Variants in LRP1B observed in about 807,000 individuals in gnomAD.
The protein encoded by LRP1B is low-density lipoprotein receptor-related protein 1B.
LRP1B carries 217 observed loss-of-function variants against 556.6 expected under a neutral mutation model. The ratio of observed to expected loss-of-function variants is 0.39; its 90% CI spans 0.35 to 0.44. The LOEUF is 0.44. LRP1B is among the 20% of genes least tolerant of loss of function. The pLI is 1.00. For synonymous variants in LRP1B, 2,047 were observed against 1,865.8 expected, an observed-to-expected ratio of 1.10 and a Z score of -2.50; for missense variants, 5,053 against 5,620.8, an observed-to-expected ratio of 0.90 and a Z score of 3.23.
At chr2:141,122,888 G>A (rs1237925744) in intron 7 of LRP1B, among the ~76,000 whole-genome samples, 1 of 152,044 alleles carries the variant, frequency 6.6e-6, no homozygotes, top group East Asian at 1.9e-4. Flanking sequence ...AAGAAAATGT[G>A]GCACATATAC....
intron 3 of LRP1B, among the ~76,000 whole-genome samples, chr2:141,370,556 G>C (rs1164764233): frequency 6.6e-6 from 1 of 152,116 alleles, no homozygotes. Flanking sequence ...TGAGTCCCCT[G>C]TTGAATGTAT....
chr2:140,301,902 T>C (rs538233940), intron 83 of LRP1B, among the ~76,000 whole-genome samples: 94 of 152,012 alleles, frequency 6.2e-4, no homozygotes, highest in African/African-American at 2.2e-3. Flanking sequence ...TGTGTATATA[T>C]ACACATATAC....
intron 5 of LRP1B, among the ~76,000 whole-genome samples, chr2:141,236,162 G>T (rs1038497105): frequency 6.6e-6 from 1 of 151,986 alleles, no homozygotes; most frequent in African/African-American, 2.4e-5. Context: ...TATTTGGGGG[G>T]ATTATTTATT....
intron 2 of LRP1B, among the ~76,000 whole-genome samples, chr2:141,751,661 T>C (rs1694118602): frequency 6.6e-6 from 1 of 151,858 alleles, no homozygotes; most frequent in African/African-American, 2.4e-5. Flanking sequence ...TCATGGTCAA[T>C]TACTCCTGAA....
intron 1 of LRP1B, among the ~76,000 whole-genome samples, chr2:141,859,938 A>C (rs1194668041): frequency 6.6e-6 from 1 of 152,190 alleles, no homozygotes; most frequent in Non-Finnish European, 1.5e-5. Flanking sequence ...CTCATGTTCA[A>C]CAATGTTAGA....
chr2:140,674,600 T>G (rs1685605753), intron 41 of LRP1B, among the ~76,000 whole-genome samples: 3 of 152,300 alleles, frequency 2.0e-5, no homozygotes, highest in South Asian at 4.1e-4. Context: ...GTCTTGCCTT[T>G]CCCAACTGAA....
At chr2:140,363,147 G>T (rs1409359883) in intron 72 of LRP1B, among the ~76,000 whole-genome samples, 1 of 151,590 alleles carries the variant, frequency 6.6e-6, no homozygotes, top group Admixed American at 6.6e-5. Flanking sequence ...TAGAGTGTAT[G>T]AAAATTATTT....
chr2:141,705,874 CTAAA>C (rs1242114543), intron 2 of LRP1B, among the ~76,000 whole-genome samples: 6 of 152,018 alleles, frequency 3.9e-5, no homozygotes, highest in Admixed American at 2.6e-4. Context: ...TTTTCTGTTC[CTAAA>C]TAGTTATTCC....
chr2:140,714,398 G>A (rs1003353201), intron 37 of LRP1B, among the ~76,000 whole-genome samples: 9 of 152,220 alleles, frequency 5.9e-5, no homozygotes, highest in Non-Finnish European at 1.0e-4. Context: ...TAAGATGGAT[G>A]TGGAGAGATA....
At chr2:140,694,594 C>T (rs1010729863) in intron 41 of LRP1B, among the ~76,000 whole-genome samples, 1 of 152,106 alleles carries the variant, frequency 6.6e-6, no homozygotes, top group Non-Finnish European at 1.5e-5. Flanking sequence ...ACATTTCTTT[C>T]TTCATTTCTA....
intron 7 of LRP1B, among the ~76,000 whole-genome samples, chr2:141,175,133 T>C (rs1680680462): frequency 6.6e-6 from 1 of 152,090 alleles, no homozygotes; most frequent in African/African-American, 2.4e-5. Context: ...AGTTTGTATG[T>C]GTGAACAATG....
intron 60 of LRP1B, among the ~76,000 whole-genome samples, chr2:140,468,434 T>C (rs978925344): frequency 1.3e-5 from 2 of 152,016 alleles, no homozygotes; most frequent in African/African-American, 4.8e-5. Flanking sequence ...GGGCAATGCA[T>C]AATGGAGCCA....
chr2:141,445,824 T>C (rs540624491), intron 3 of LRP1B, among the ~76,000 whole-genome samples: 20 of 152,148 alleles, frequency 1.3e-4, no homozygotes, highest in Admixed American at 4.6e-4. Flanking sequence ...TGCTGAGGAG[T>C]ATTTTACTTG....
chr2:140,856,738 T>TACACACACACACACACAC (rs57220779), intron 27 of LRP1B, among the ~76,000 whole-genome samples: 2 of 148,358 alleles, frequency 1.3e-5, no homozygotes, highest in African/African-American at 5.0e-5. Flanking sequence ...CTAAGAGAGA[T>TACACACACACACACACAC]ACACACACAC....
At chr2:140,682,862 G>A (rs115230867) in intron 41 of LRP1B, among the ~76,000 whole-genome samples, 7,354 of 152,160 alleles carry the variant, frequency 0.048, 275 homozygotes, top group Middle Eastern at 0.099. Flanking sequence ...GAGTAGATAC[G>A]TAATAAATCT....
intron 1 of LRP1B, among the ~76,000 whole-genome samples, chr2:142,021,839 A>AT (rs758831668): frequency 2.6e-5 from 4 of 152,074 alleles, no homozygotes; most frequent in Non-Finnish European, 5.9e-5. Flanking sequence ...AAAATATAAT[A>AT]TTTTTGCATA....
At chr2:142,072,046 A>G (rs1431057698) in intron 1 of LRP1B, among the ~76,000 whole-genome samples, 1 of 151,954 alleles carries the variant, frequency 6.6e-6, no homozygotes, top group Admixed American at 6.6e-5. Flanking sequence ...CCATGCCCGA[A>G]TAAGTACTGA....
intron 7 of LRP1B, among the ~76,000 whole-genome samples, chr2:141,080,217 T>C (rs770333471): frequency 2.0e-4 from 30 of 152,332 alleles, no homozygotes; most frequent in Admixed American, 1.3e-3. Flanking sequence ...CCTAGGTTTA[T>C]CCCTCTCTGG....
intron 2 of LRP1B, among the ~76,000 whole-genome samples, chr2:141,607,127 T>C (rs886534186): frequency 2.0e-5 from 3 of 147,202 alleles, no homozygotes; most frequent in Admixed American, 7.1e-5. Context: ...AAATTTAATA[T>C]AGTGAATTTT....
Sources: gnomAD v4.1 joint callset for allele counts (sites outside exome capture counted in the v4.1 genomes callset) on GRCh38, gnomAD v4.1.1 for gene constraint, MANE v1.5 for transcripts, NCBI Gene and HGNC (gene_info 2026-07-23, HGNC 2026-07-21) for gene names.